The following CFHR4 variants were observed in gnomAD, a reference collection of about 807,000 sequenced individuals.
CFHR4 encodes complement factor H-related protein 4.
A neutral mutation model predicts 69.3 loss-of-function variants in CFHR4; 64 were observed. That is an observed-to-expected ratio of 0.92 (90% CI 0.76 to 1.14). The LOEUF (loss-of-function observed/expected upper bound fraction) is 1.14, where lower values mean the gene tolerates loss of function less well. Ranked by LOEUF, CFHR4 falls within the 50% of genes most tolerant of loss-of-function variation. CFHR4 has a pLI of 0.00. For missense variants in CFHR4, 636 were observed against 684.9 expected (o/e 0.93, Z 0.80); for synonymous variants, 244 against 237.0 (o/e 1.03, Z -0.27).
intron 4 of CFHR4, 58 bp downstream of exon 4, chr1:196,907,095 T>A: frequency 2.0e-6 from 3 of 1,463,778 alleles, no homozygotes; most frequent in Non-Finnish European, 2.8e-6. Flanking sequence ...GAAACATACA[T>A]ATGTATATGT....
intron 2 of CFHR4, among the ~76,000 whole-genome samples, chr1:196,903,270 GT>G (rs1657720588): frequency 6.6e-6 from 1 of 151,262 alleles, no homozygotes; most frequent in South Asian, 2.1e-4. Context: ...AGCCTATCTA[GT>G]TTCCAGTTCC....
chr1:196,907,141 C>T, intron 4 of CFHR4, 104 bp downstream of exon 4: 1 of 1,209,450 alleles, frequency 8.3e-7, no homozygotes, highest in Non-Finnish European at 1.2e-6. Flanking sequence ...TGTACATATA[C>T]ATGTAGTCCT....
At chr1:196,900,395 G>A (rs1657540616) in intron 1 of CFHR4, among the ~76,000 whole-genome samples, 1 of 137,306 alleles carries the variant, frequency 7.3e-6, no homozygotes, top group African/African-American at 2.7e-5. Context: ...CAGTAAAAAA[G>A]AAAAGTCATG....
chr1:196,896,718 T>C (rs76238582), intron 1 of CFHR4, among the ~76,000 whole-genome samples: 4,597 of 151,312 alleles, frequency 0.03, 345 homozygotes, highest in African/African-American at 0.1. Flanking sequence ...TCCCTAGAAG[T>C]TGTAGGGCTT....
intron 1 of CFHR4, among the ~76,000 whole-genome samples, chr1:196,893,145 A>C (rs1191303413): frequency 6.6e-6 from 1 of 151,772 alleles, no homozygotes; most frequent in African/African-American, 2.4e-5. Flanking sequence ...GATTGGTTTC[A>C]AACTATCACA....
chr1:196,905,239 G>A lies in CFHR4; in HGVS notation c.388G>A (p.Gly130Arg), dbSNP rs545518705. ...TGCAACAGCAGAGGGAAATTCTTCA[G>A]GATCAATTACATGTTTGCAAAATGG... is the stretch of plus-strand genomic sequence containing the variant. ...GYATAEGNSS[G>R]SITCLQNGWS... The change falls in exon 3 of 10, where the codon GGA becomes AGA. Residue 130 changes from glycine (G) to arginine (R), a missense_variant. By Grantham distance (125) the Gly-to-Arg change is moderately radical. Coordinates refer to ENST00000608469, the MANE Select transcript of CFHR4 (RefSeq NM_001201550.3). The A allele has an allele frequency of 6.2e-7, 1 of 1,611,404 alleles. No homozygotes were observed. Among genetic ancestry groups the A allele is most frequent in the East Asian group, 2.2e-5 (1 of 44,692 alleles).
intron 1 of CFHR4, among the ~76,000 whole-genome samples, chr1:196,895,520 A>T (rs918584868): frequency 6.6e-6 from 1 of 151,318 alleles, no homozygotes; most frequent in Non-Finnish European, 1.5e-5. Context: ...AAAATTGTTA[A>T]TTCTTTCATC....
chr1:196,902,688 T>C (rs1319428210), intron 2 of CFHR4, 73 bp downstream of exon 2: 1 of 1,115,078 alleles, frequency 9.0e-7, no homozygotes, highest in Non-Finnish European at 1.3e-6. Context: ...TAAATGATTA[T>C]ATTGTCTTAT....
At chr1:196,891,466 C>T (rs1030100335) in intron 1 of CFHR4, among the ~76,000 whole-genome samples, 1 of 151,278 alleles carries the variant, frequency 6.6e-6, no homozygotes, top group Non-Finnish European at 1.5e-5. Context: ...CGTCACCCAA[C>T]AAGCCTCTGG....
intron 1 of CFHR4, among the ~76,000 whole-genome samples, chr1:196,901,695 CAT>C (rs1657615977): frequency 6.6e-6 from 1 of 151,200 alleles, no homozygotes; most frequent in Non-Finnish European, 1.5e-5. Context: ...AGTGCTTAAA[CAT>C]ATATGTCAAA....
At chr1:196,895,724 G>A (rs1657259595) in intron 1 of CFHR4, among the ~76,000 whole-genome samples, 1 of 150,700 alleles carries the variant, frequency 6.6e-6, no homozygotes. Context: ...TTATTTTAAA[G>A]TTTCTAATAG....
At chr1:196,892,321 C>A (rs1307966556) in intron 1 of CFHR4, among the ~76,000 whole-genome samples, 1 of 151,348 alleles carries the variant, frequency 6.6e-6, no homozygotes, top group Non-Finnish European at 1.5e-5. Context: ...AGGTCAGGAT[C>A]AGGAAATTAG....
rs576339979 is a variant in CFHR4 at position 196,908,488 on chromosome 1, A to G, written c.799+990A>G. ...AAAGCTCAGCCATTTCCAAATGCCA[A>G]TGCTTTCTGTTTTCACCTTCATCTC... On this transcript the variant is annotated intron_variant, in intron 5 of 9. Transcript: ENST00000608469. Among the ~76,000 whole-genome samples, 79 of 151,454 alleles carry G rather than the reference A, an allele frequency of 5.2e-4. 1 individual carries two copies. Among genetic ancestry groups the G allele is most frequent in the Non-Finnish European group, 5.7e-4 (39 of 67,904 alleles).
At chr1:196,902,079 T>C (rs958634557) in intron 1 of CFHR4, among the ~76,000 whole-genome samples, 34 of 151,578 alleles carry the variant, frequency 2.2e-4, no homozygotes, top group African/African-American at 7.3e-4. Context: ...AGGGCTCTGA[T>C]TTCTGATGGG....
intron 5 of CFHR4, among the ~76,000 whole-genome samples, chr1:196,908,024 T>A (rs994557338): frequency 6.6e-6 from 1 of 151,218 alleles, no homozygotes; most frequent in African/African-American, 2.4e-5. Flanking sequence ...TGGAGGAAGC[T>A]GGAAACCATC....
chr1:196,888,596 C>T (rs1656852852), intron 1 of CFHR4, among the ~76,000 whole-genome samples: 1 of 151,052 alleles, frequency 6.6e-6, no homozygotes, highest in Non-Finnish European at 1.5e-5. Flanking sequence ...CTTTCATAAT[C>T]TTACATACAG....
Position 196,918,372 on chromosome 1 carries a change from G to A in CFHR4, c.1703G>A (p.Arg568Lys). 6.2e-7 allele frequency: 1 copy of A among 1,612,198 alleles called. No homozygotes were observed. The highest frequency in any genetic ancestry group is 1.3e-5 in the African/African-American group (1 of 74,498). Reference sequence around the variant, plus strand: ...GTTCTATCATTTCAAGCAGTGTGTAGGGAAGGCATAGTGGAATACCCCAGA... The same window carrying A: ...GTTCTATCATTTCAAGCAGTGTGTAAGGAAGGCATAGTGGAATACCCCAGA... ...TSVLSFQAVC[R>K]EGIVEYPRCE The change falls in exon 10 of 10, where the codon AGG becomes AAG. Residue 568 changes from arginine (R) to lysine (K), a missense_variant. By Grantham distance (26) the Arg-to-Lys change is conservative. Coordinates refer to ENST00000608469, the MANE Select transcript of CFHR4 (RefSeq NM_001201550.3).
intron 3 of CFHR4, 81 bp downstream of exon 3, chr1:196,905,371 T>C (rs1048177195): frequency 8.4e-6 from 13 of 1,553,894 alleles, no homozygotes; most frequent in African/African-American, 4.2e-5. Context: ...CAGAAAAAGA[T>C]AGAAAACACT....
Position 196,904,521 on chromosome 1 carries a change from T to C in CFHR4, c.257-587T>C, listed in dbSNP as rs1311386367. ...GTATAGAACACATACATTGATAATA[T>C]ATAAAGAACATATACATTACTAATA... On this transcript the variant is annotated intron_variant, in intron 2 of 9. Transcript: ENST00000608469. 2.0e-5 allele frequency among the ~76,000 whole-genome samples: 3 copies of C among 151,546 alleles called. 1 individual carries two copies. Among genetic ancestry groups the C allele is most frequent in the African/African-American group, 7.3e-5 (3 of 41,102 alleles).
Sources: gnomAD v4.1 joint callset for allele counts (sites outside exome capture counted in the v4.1 genomes callset) on GRCh38, gnomAD v4.1.1 for gene constraint, MANE v1.5 for transcripts, NCBI Gene and HGNC (gene_info 2026-07-23, HGNC 2026-07-21) for gene names.